UNC79: variants seen among roughly 807,000 people sequenced by gnomAD.
UNC79 encodes unc-79 subunit of NALCN channel complex, also known as protein unc-79 homolog.
A neutral mutation model predicts 283.1 loss-of-function variants in UNC79; 37 were observed. The observed-to-expected ratio is 0.13, with a 90% confidence interval of 0.10 to 0.17. UNC79 has a LOEUF of 0.17. Ranked by LOEUF, UNC79 falls within the 10% of genes least tolerant of loss-of-function variation. UNC79 has a pLI of 1.00. For missense variants in UNC79, 2,272 were observed against 3,211.1 expected, an observed-to-expected ratio of 0.71 and a Z score of 7.07; for synonymous variants, 1,107 against 1,200.2, an observed-to-expected ratio of 0.92 and a Z score of 1.61.
chr14:93,562,117 C>T (rs2062595679), intron 14 of UNC79, among the ~76,000 whole-genome samples: 1 of 152,168 alleles, frequency 6.6e-6, no homozygotes, highest in Admixed American at 6.5e-5. Context: ...AGAGATTAGG[C>T]TGGCTGTCCA....
At chr14:93,671,008 A>G (rs2072792897) in intron 40 of UNC79, among the ~76,000 whole-genome samples, 1 of 152,246 alleles carries the variant, frequency 6.6e-6, no homozygotes, top group African/African-American at 2.4e-5. Context: ...TCAACAATAG[A>G]AAAGTCTTAC....
intron 41 of UNC79, among the ~76,000 whole-genome samples, chr14:93,675,867 A>T (rs1193762440): frequency 6.6e-6 from 1 of 152,142 alleles, no homozygotes; most frequent in Non-Finnish European, 1.5e-5. Context: ...GGCTCTTATT[A>T]TACCAAGTTA....
chr14:93,430,309 GC>G (rs1316581638), upstream of UNC79: 2 of 152,704 alleles, frequency 1.3e-5, no homozygotes, highest in African/African-American at 4.8e-5. The surrounding 1 kb of genome is among the most constrained non-coding windows in gnomAD (Gnocchi z 4.6). Context: ...CAGCAGGAGA[GC>G]CCATCGCAGA....
At chr14:93,591,022 G>A (rs751213538) in intron 22 of UNC79, among the ~76,000 whole-genome samples, 3 of 152,170 alleles carry the variant, frequency 2.0e-5, no homozygotes, top group Non-Finnish European at 2.9e-5. Context: ...CCCACACTGG[G>A]AGGACACAAA....
At chr14:93,433,158 T>G (rs1447077919) in intron 1 of UNC79, among the ~76,000 whole-genome samples, 2 of 152,234 alleles carry the variant, frequency 1.3e-5, no homozygotes, top group East Asian at 3.8e-4. Flanking sequence ...AATAGTTTTG[T>G]GCCTCAGAGT....
In UNC79 at chr14:93,492,981, G is replaced by A. The variant is rs146514378; in HGVS notation, c.713-3430G>A. ...CCATCCTCATCTCAGGAAGCTTATCGTATGGTCGGGTTGAGAGGCGAGAAG... is the reference window on the plus strand; with the variant it reads ...CCATCCTCATCTCAGGAAGCTTATCATATGGTCGGGTTGAGAGGCGAGAAG... On this transcript the variant is annotated intron_variant, in intron 5 of 48. Coordinates refer to ENST00000555664, the Ensembl canonical transcript of UNC79. 5.6e-3 allele frequency among the ~76,000 whole-genome samples: 855 copies of A among 152,282 alleles called. 5 individuals carry two copies. The highest frequency in any genetic ancestry group is 9.2e-3 in the Non-Finnish European group (625 of 68,018).
At chr14:93,608,326 A>G in intron 26 of UNC79, among the ~76,000 whole-genome samples, 1 of 152,250 alleles carries the variant, frequency 6.6e-6, no homozygotes, top group East Asian at 1.9e-4. Context: ...AGGATGAGTC[A>G]TGTCAAATGC....
Position 93,617,141 on chromosome 14 carries a change from A to G in UNC79, c.4061A>G (p.Asn1354Ser). The change falls in exon 28 of 49, where the codon AAC becomes AGC. Residue 1354 changes from asparagine (N) to serine (S), a missense_variant. By Grantham distance (46) the Asn-to-Ser change is conservative (BLOSUM62 1). This residue lies in a region of UNC79 where 128 missense variants were observed against 230.3 expected (regional missense o/e 0.56). Transcript: ENST00000555664. This position sits in a 1 kb window ranked among gnomAD's most constrained non-coding sequence, Gnocchi z 4.5. ...TTTCAGGTTATGGACTATAACATTA[A>G]CTTGGGAAAACACCTTCTCCCCTTA... is the stretch of plus-strand genomic sequence containing the variant. The G allele has an allele frequency of 6.2e-7, 1 of 1,613,392 alleles. No individual in the cohort carries two copies. Among genetic ancestry groups the G allele is most frequent in the Non-Finnish European group, 8.5e-7 (1 of 1,179,600 alleles).
At chr14:93,554,844 C>T (rs2062080068) in intron 14 of UNC79, among the ~76,000 whole-genome samples, 1 of 152,194 alleles carries the variant, frequency 6.6e-6, no homozygotes, top group Non-Finnish European at 1.5e-5. Context: ...AAACTACATT[C>T]CCATGCCTTT....
intron 1 of UNC79, among the ~76,000 whole-genome samples, chr14:93,423,155 ATTAAC>A (rs1296178693): frequency 1.3e-5 from 2 of 151,690 alleles, no homozygotes; most frequent in African/African-American, 2.4e-5. Flanking sequence ...ATACCTACAA[ATTAAC>A]TTAACCAAAG....
At chr14:93,648,123 C>T (rs2069835931) in intron 35 of UNC79, among the ~76,000 whole-genome samples, 1 of 152,140 alleles carries the variant, frequency 6.6e-6, no homozygotes, top group South Asian at 2.1e-4. Context: ...GGATCACTGC[C>T]TAGTTACTGA....
chr14:93,509,250 C>G (rs2059697922), intron 7 of UNC79, among the ~76,000 whole-genome samples: 1 of 152,154 alleles, frequency 6.6e-6, no homozygotes, highest in South Asian at 2.1e-4. Context: ...ATGGGAATTA[C>G]AATTCAACAT....
At chr14:93,443,181 G>A (rs1047377583) in intron 1 of UNC79, among the ~76,000 whole-genome samples, 32 of 151,650 alleles carry the variant, frequency 2.1e-4, no homozygotes, top group Non-Finnish European at 4.3e-4. Context: ...CTGAGATTGC[G>A]CCACTGCACT....
chr14:93,404,493 A>AAAAAAAAAAAAAAATATATATATAT, intron 1 of UNC79, among the ~76,000 whole-genome samples: 49 of 61,468 alleles, frequency 8.0e-4, no homozygotes, highest in Admixed American at 3.3e-3. Context: ...TTCTAAAAAA[A>AAAAAAAAAAAAAAATATATATATAT]ATATATATAT....
At chr14:93,667,254 A>G (rs1206072521) in intron 40 of UNC79, among the ~76,000 whole-genome samples, 1 of 150,732 alleles carries the variant, frequency 6.6e-6, no homozygotes, top group East Asian at 1.9e-4. Flanking sequence ...GGAAGGAAAG[A>G]AGGAAGGAAA....
Position 93,622,645 on chromosome 14 carries a change from T to C in UNC79, c.5412T>C (p.Asp1804=). Residue 1804 remains aspartate (D), a synonymous_variant, in exon 30 of 49, where the codon GAT becomes GAC. Coordinates refer to ENST00000555664, the Ensembl canonical transcript of UNC79. ...ACCCCACAGAAAGTGAGAAGCCTGATACCAGTGCAGAATCTGATACAGAAC... is the reference window on the plus strand; with the variant it reads ...ACCCCACAGAAAGTGAGAAGCCTGACACCAGTGCAGAATCTGATACAGAAC... 3.1e-6 allele frequency: 5 copies of C among 1,614,130 alleles called. No homozygotes were observed. The Admixed American group carries it at 8.3e-5, about 27-fold the overall frequency.
chr14:93,499,242 A>T (rs145264280), intron 7 of UNC79, among the ~76,000 whole-genome samples: 27 of 152,314 alleles, frequency 1.8e-4, no homozygotes, highest in African/African-American at 4.8e-4. Context: ...ATAGCAGAGA[A>T]TGTTTAAGTG....
chr14:93,672,295 A>G (rs1181402703), intron 40 of UNC79, among the ~76,000 whole-genome samples: 7 of 152,242 alleles, frequency 4.6e-5, no homozygotes, highest in East Asian at 1.9e-4. Flanking sequence ...GTGTCCATCA[A>G]TGGACAAATG....
rs748139367 is a variant in UNC79, at chr14:93,597,569, G to A, written c.3372+29G>A. The A allele has an allele frequency of 1.1e-5, 17 of 1,597,420 alleles. No homozygotes were observed. The East Asian group carries it at 2.0e-4, about 19-fold the overall frequency. On this transcript the variant is annotated intron_variant, in intron 24 of 48. Coordinates refer to ENST00000555664, the Ensembl canonical transcript of UNC79. The stretch of plus-strand genomic sequence containing the variant: ...ACATGTGATTTGTGTTATCTGCTCC[G>A]AAGGTGGTTTGTGTCAGCACTACTA...
Sources: allele counts gnomAD v4.1 joint callset (sites outside exome capture counted in the v4.1 genomes callset), GRCh38; gene constraint gnomAD v4.1.1; regional missense constraint gnomAD v4.1.1; non-coding constraint Gnocchi (gnomAD v3.1); transcripts MANE v1.5; gene names NCBI Gene and HGNC (gene_info 2026-07-23, HGNC 2026-07-21).